APOBEC2: variants seen among roughly 807,000 people sequenced by gnomAD.
APOBEC2 encodes the protein apolipoprotein B mRNA editing enzyme catalytic subunit 2, also known as C->U-editing enzyme APOBEC-2.
APOBEC2 carries 14 observed loss-of-function variants against 19.4 expected under a neutral mutation model. That is an observed-to-expected ratio of 0.72 (90% CI 0.48 to 1.13). The LOEUF is 1.13. Ranked by LOEUF, APOBEC2 falls within the 50% of genes most tolerant of loss-of-function variation. The probability of loss-of-function intolerance (pLI) is 0.00; values close to 1 mark genes in which losing one functional copy is unlikely to be tolerated. For synonymous variants in APOBEC2, 127 were observed against 112.1 expected (o/e 1.13, Z -0.84); for missense variants, 304 against 277.0 (o/e 1.10, Z -0.69).
At chr6:41,056,455 G>T (rs1245399919) in intron 1 of APOBEC2, among the ~76,000 whole-genome samples, 2 of 152,210 alleles carry the variant, frequency 1.3e-5, no homozygotes, top group African/African-American at 4.8e-5. Context: ...CAAAACCTTA[G>T]AAGTTAGATT....
chr6:41,057,891 T>C (rs1005208801), intron 1 of APOBEC2, among the ~76,000 whole-genome samples: 1 of 152,302 alleles, frequency 6.6e-6, no homozygotes, highest in Middle Eastern at 3.4e-3. Context: ...CCCAATTTTT[T>C]TTCTAGATAT....
intron 1 of APOBEC2, among the ~76,000 whole-genome samples, chr6:41,057,589 G>A (rs1386698774): frequency 6.6e-6 from 1 of 152,152 alleles, no homozygotes; most frequent in Admixed American, 6.5e-5. Flanking sequence ...GTCTGAGAAA[G>A]CAGAAGGCCA....
intron 1 of APOBEC2, among the ~76,000 whole-genome samples, chr6:41,058,528 T>TA (rs1457280849): frequency 1.3e-5 from 2 of 152,028 alleles, no homozygotes; most frequent in East Asian, 1.9e-4. Context: ...TCATGCTACT[T>TA]AAAAAAAACT....
At chr6:41,055,504 T>G (rs998466849) in intron 1 of APOBEC2, among the ~76,000 whole-genome samples, 1 of 152,172 alleles carries the variant, frequency 6.6e-6, no homozygotes, top group African/African-American at 2.4e-5. Flanking sequence ...CCTCTTGAGA[T>G]GCATTCCCCC....
rs1185972547 is a variant in APOBEC2, at chr6:41,064,078, TTTTC to T, written c.*22-19_*22-16del. The T allele has an allele frequency of 6.6e-6, 1 of 152,528 alleles. No individual in the cohort carries two copies. The highest frequency in any genetic ancestry group is 1.5e-5 in the Non-Finnish European group (1 of 68,012). 9.4% of individuals were successfully genotyped at this position (152,528 alleles called of 1,614,324 possible). ...GGCCAGCAGAGCTCTCAGTAACACA[TTTTC>T]TTTGTTTGTTTTACCAAGGTATTCC... On this transcript the variant is annotated intron_variant, in intron 2 of 2. Coordinates refer to ENST00000244669, the MANE Select transcript of APOBEC2 (RefSeq NM_006789.4).
intron 1 of APOBEC2, among the ~76,000 whole-genome samples, chr6:41,055,598 T>C (rs980756643): frequency 6.6e-6 from 1 of 152,134 alleles, no homozygotes; most frequent in Non-Finnish European, 1.5e-5. Flanking sequence ...TAGTGCTCCT[T>C]ATATTTGGGC....
At chr6:41,053,637 C>T (rs550474748) in intron 1 of APOBEC2, among the ~76,000 whole-genome samples, 159 bp downstream of exon 1, 1 of 152,268 alleles carries the variant, frequency 6.6e-6, no homozygotes, top group South Asian at 2.1e-4. Context: ...GTAGGGGACC[C>T]AGCAGCAAAT....
chr6:41,058,415 ACACACACACACT>A (rs1762829607), intron 1 of APOBEC2, among the ~76,000 whole-genome samples: 1 of 151,342 alleles, frequency 6.6e-6, no homozygotes, highest in Non-Finnish European at 1.5e-5. Context: ...ACACACACAC[ACACACACACACT>A]CACACACACA....
At chr6:41,063,447 CA>C (rs1762904904) in intron 2 of APOBEC2, among the ~76,000 whole-genome samples, 1 of 150,960 alleles carries the variant, frequency 6.6e-6, no homozygotes, top group Admixed American at 6.6e-5. Flanking sequence ...GACTAACCGG[CA>C]GCTTAAAATT....
intron 2 of APOBEC2, among the ~76,000 whole-genome samples, chr6:41,063,638 A>G (rs1762909556): frequency 9.9e-6 from 1 of 101,482 alleles, no homozygotes; most frequent in Non-Finnish European, 2.0e-5. Flanking sequence ...ATGTTTGTGA[A>G]GGGAAAGGTT....
At chr6:41,060,561 C>T (rs1212312397) in intron 1 of APOBEC2, among the ~76,000 whole-genome samples, 3 of 152,184 alleles carry the variant, frequency 2.0e-5, no homozygotes, top group Admixed American at 6.5e-5. Flanking sequence ...GAGACCAAGT[C>T]CTTTAAGATT....
In APOBEC2 at chr6:41,064,852, T is replaced by C. The variant is rs1207875929; in HGVS notation, c.*773T>C. On this transcript the variant is annotated 3_prime_UTR_variant, in exon 3 of 3. Transcript: ENST00000244669. ...AGTTTAATGTTCAGATATACAATCA[T>C]TTAAAAGTATTCAATACATGGTGTT... 4 of 152,190 alleles carry C rather than the reference T, an allele frequency of 2.6e-5. No homozygotes were observed. The highest frequency in any genetic ancestry group is 9.7e-5 in the African/African-American group (4 of 41,440). The allele number at this position is 152,190 out of a possible 1,614,324, so 9.4% of individuals were successfully genotyped here.
chr6:41,063,786 T>TTCC (rs746591043), intron 2 of APOBEC2, among the ~76,000 whole-genome samples: 3 of 149,240 alleles, frequency 2.0e-5, no homozygotes, highest in Non-Finnish European at 4.4e-5. Context: ...TTTTACATAC[T>TTCC]TATTTCATCT....
At chr6:41,063,661 G>GC (rs1453980962) in intron 2 of APOBEC2, among the ~76,000 whole-genome samples, 3 of 2,758 alleles carry the variant, frequency 1.1e-3, no homozygotes, top group Non-Finnish European at 2.1e-3. Context: ...GATATATCAA[G>GC]TTAAAAAAAA....
At position 41,062,378 on chromosome 6, in the gene APOBEC2, T is replaced by G. The variant is rs532728996; in HGVS notation, c.*21+486T>G. On this transcript the variant is annotated intron_variant, in intron 2 of 2. Transcript: ENST00000244669. ...TTTTAGTCCTTCAGGGACAATTTTT[T>G]CACTTATGGTAATTTTGAAATTCCC... Among the ~76,000 whole-genome samples the G allele has an allele frequency of 4.6e-5, 7 of 152,370 alleles. No homozygotes were observed. The South Asian group carries it at 1.2e-3, about 27-fold the overall frequency.
chr6:41,054,776 G>A (rs972857438), intron 1 of APOBEC2, among the ~76,000 whole-genome samples: 4 of 152,158 alleles, frequency 2.6e-5, no homozygotes, highest in African/African-American at 4.8e-5. Context: ...CAATTCCAGT[G>A]GCTTTCTTAT....
In APOBEC2 at chr6:41,061,655, A is replaced by C; in HGVS notation, c.459A>C (p.Arg153=). 6.2e-7 allele frequency: 1 copy of C among 1,613,964 alleles called. No homozygotes were observed. The highest frequency in any genetic ancestry group is 8.5e-7 in the Non-Finnish European group (1 of 1,179,990). ...TGCGTCTGCTCATTCTGGTGGGTCGACTCTTCATGTGGGAGGAGCCGGAGA... is the reference window on the plus strand; with the variant it reads ...TGCGTCTGCTCATTCTGGTGGGTCGCCTCTTCATGTGGGAGGAGCCGGAGA... ...KNLRLLILVG[R]LFMWEEPEIQ... Residue 153 remains arginine, a synonymous_variant, in exon 2 of 3, where the codon CGA becomes CGC. Transcript: ENST00000244669.
rs1032150713 is a variant in APOBEC2 at position 41,064,367 on chromosome 6, A to C, written c.*288A>C. ...GGGCTCCAGTCAACTATGGGACTGA[A>C]GGTCCTAATTGCTCACCCAAGGGGG... On this transcript the variant is annotated 3_prime_UTR_variant, in exon 3 of 3. Coordinates refer to ENST00000244669, the MANE Select transcript of APOBEC2 (RefSeq NM_006789.4). The C allele has an allele frequency of 6.6e-6, 1 of 152,242 alleles. No individual in the cohort carries two copies. The highest frequency in any genetic ancestry group is 2.4e-5 in the African/African-American group (1 of 41,460). 9.4% of individuals were successfully genotyped at this position (152,242 alleles called of 1,614,324 possible). A position where few individuals can be genotyped will look rare whatever the true frequency, so the allele number is the denominator to read the frequency against.
At chr6:41,063,721 C>G (rs1286198746) in intron 2 of APOBEC2, among the ~76,000 whole-genome samples, 2 of 148,962 alleles carry the variant, frequency 1.3e-5, no homozygotes, top group South Asian at 2.1e-4. Flanking sequence ...AAAGAACAAC[C>G]CTGCTTAATT....
Sources: gnomAD v4.1 joint callset for allele counts (sites outside exome capture counted in the v4.1 genomes callset) on GRCh38, gnomAD v4.1.1 for gene constraint, MANE v1.5 for transcripts, NCBI Gene and HGNC (gene_info 2026-07-23, HGNC 2026-07-21) for gene names.